The following ABAT variants were observed in gnomAD, a reference collection of about 807,000 sequenced individuals.
ABAT encodes the protein 4-aminobutyrate aminotransferase.
A neutral mutation model predicts 64.6 loss-of-function variants in ABAT; 45 were observed. That is an observed-to-expected ratio of 0.70 (90% confidence interval 0.55 to 0.89). ABAT has a LOEUF of 0.89. Ranked by LOEUF, ABAT falls within the 40% of genes least tolerant of loss-of-function variation. The pLI, the probability that ABAT is intolerant of heterozygous loss-of-function variation, is 0.00. For synonymous variants in ABAT, 297 were observed against 250.5 expected (o/e 1.19, Z -1.75); for missense variants, 633 against 658.4 (o/e 0.96, Z 0.42).
intron 2 of ABAT, among the ~76,000 whole-genome samples, chr16:8,742,229 C>T (rs545811647): frequency 6.6e-6 from 1 of 152,198 alleles, no homozygotes; most frequent in Non-Finnish European, 1.5e-5. Flanking sequence ...CACTTGATCC[C>T]ACGCTCTCCA....
intron 15 of ABAT, chr16:8,780,813 C>A: frequency 5.7e-6 from 1 of 173,960 alleles, no homozygotes; most frequent in South Asian, 7.9e-5. Context: ...GAAAGGACAC[C>A]AGCTGTAACT....
chr16:8,737,991 G>GAAAGAAAGAAAGAAAAAGAAA (rs55862439), intron 2 of ABAT, among the ~76,000 whole-genome samples: 1 of 14,962 alleles, frequency 6.7e-5, no homozygotes, highest in Non-Finnish European at 1.2e-4. Flanking sequence ...GAAGGAAGGA[G>GAAAGAAAGAAAGAAAAAGAAA]GAAAGAAAGA....
At chr16:8,735,593 G>A (rs1401182591) in intron 1 of ABAT, 106 bp from the exon 2 acceptor site, 2 of 956,802 alleles carry the variant, frequency 2.1e-6, no homozygotes, top group African/African-American at 3.2e-5. Flanking sequence ...ATTTGACAAT[G>A]TCAGAAGAAC....
At chr16:8,693,823 T>C (rs1156500564) in intron 1 of ABAT, among the ~76,000 whole-genome samples, 1 of 152,132 alleles carries the variant, frequency 6.6e-6, no homozygotes, top group East Asian at 1.9e-4. Flanking sequence ...ACTTTGCCCA[T>C]TCTTTTAAGT....
chr16:8,771,793 T>C (rs1203868902), intron 11 of ABAT, among the ~76,000 whole-genome samples: 1 of 151,592 alleles, frequency 6.6e-6, no homozygotes, highest in Non-Finnish European at 1.5e-5. Flanking sequence ...AAAGACAGGA[T>C]CTTGCTGTGT....
At position 8,781,598 on chromosome 16, in the gene ABAT, G is replaced by A; in HGVS notation, c.*168G>A. On this transcript the variant is annotated 3_prime_UTR_variant, in exon 16 of 16. Coordinates refer to ENST00000268251, the MANE Select transcript of ABAT (RefSeq NM_020686.6). The surrounding 1 kb of genome is among the most constrained non-coding windows in gnomAD (Gnocchi z 4.5). Reference sequence around the variant, plus strand: ...TGGTCTTGGGGGAGGGGAGGGGAGGGAAGGGCTGGTGTTGATTTTCCTCCC... The same window carrying A: ...TGGTCTTGGGGGAGGGGAGGGGAGGAAAGGGCTGGTGTTGATTTTCCTCCC... 1 of 509,100 alleles carries A rather than the reference G, an allele frequency of 2.0e-6. No homozygotes were observed. Among genetic ancestry groups the A allele is most frequent in the Non-Finnish European group, 3.7e-6 (1 of 270,246 alleles). 31.5% of individuals were successfully genotyped at this position (509,100 alleles called of 1,614,324 possible). A position where few individuals can be genotyped will look rare whatever the true frequency, so the allele number is the denominator to read the frequency against.
At chr16:8,684,981 G>A (rs1008391349) in intron 1 of ABAT, among the ~76,000 whole-genome samples, 5 of 152,238 alleles carry the variant, frequency 3.3e-5, no homozygotes, top group Non-Finnish European at 4.4e-5. Context: ...AGTCAGCAAA[G>A]TAGTTTGAAA....
At chr16:8,738,028 AGAAG>A (rs1453099912) in intron 2 of ABAT, among the ~76,000 whole-genome samples, 32 of 136,668 alleles carry the variant, frequency 2.3e-4, no homozygotes, top group East Asian at 4.4e-4. Context: ...AAAGAAAGAA[AGAAG>A]GACAGACAGA....
chr16:8,734,539 C>G (rs1401410421), intron 1 of ABAT, among the ~76,000 whole-genome samples: 1 of 152,154 alleles, frequency 6.6e-6, no homozygotes, highest in Non-Finnish European at 1.5e-5. Context: ...ATTTCCTCCT[C>G]TGTAAAAAGA....
intron 5 of ABAT, among the ~76,000 whole-genome samples, chr16:8,752,056 A>G (rs919163209): frequency 3.9e-5 from 6 of 152,202 alleles, no homozygotes; most frequent in African/African-American, 1.2e-4. Context: ...GCTCCCCATC[A>G]GCACCTCCCT....
rs748637963 is a variant in ABAT, at chr16:8,781,242, C to T, written c.1382-67C>T. The T allele has an allele frequency of 1.2e-6, 2 of 1,609,102 alleles. No individual in the cohort carries two copies. Among genetic ancestry groups the T allele is most frequent in the Non-Finnish European group, 1.7e-6 (2 of 1,176,960 alleles). ...GAGCGTTGCCAACAGGCATCACTTT[C>T]CCCCCAGCTCTCCCAGCATGTGACT... On this transcript the variant is annotated intron_variant, in intron 15 of 15. Coordinates refer to ENST00000268251, the MANE Select transcript of ABAT (RefSeq NM_020686.6). The surrounding 1 kb of genome is among the most constrained non-coding windows in gnomAD (Gnocchi z 4.5).
intron 1 of ABAT, chr16:8,731,672 T>C (rs1203524174): frequency 4.0e-5 from 6 of 151,776 alleles, no homozygotes; most frequent in African/African-American, 1.5e-4. Flanking sequence ...ATCACACAGA[T>C]AACATAAAAT....
At chr16:8,717,848 T>C (rs1317140532) in intron 1 of ABAT, among the ~76,000 whole-genome samples, 1 of 151,492 alleles carries the variant, frequency 6.6e-6, no homozygotes, top group Non-Finnish European at 1.5e-5. Flanking sequence ...AGAGATGGGG[T>C]CTCGCTCTGT....
At chr16:8,678,593 C>T (rs1474085588) in intron 1 of ABAT, among the ~76,000 whole-genome samples, 1 of 152,218 alleles carries the variant, frequency 6.6e-6, no homozygotes, top group African/African-American at 2.4e-5. Context: ...GATTAGTTAT[C>T]AGGGTCTTTC....
At chr16:8,712,390 A>C (rs1319367463) in intron 1 of ABAT, among the ~76,000 whole-genome samples, 2 of 152,242 alleles carry the variant, frequency 1.3e-5, no homozygotes, top group Non-Finnish European at 2.9e-5. Context: ...TGTGGTAATC[A>C]TGTTAATGGT....
At chr16:8,757,452 G>A (rs930694110) in intron 5 of ABAT, 1 of 391,088 alleles carries the variant, frequency 2.6e-6, no homozygotes, top group East Asian at 6.0e-5. Context: ...ACAGGTGTGA[G>A]CCACCACACG....
At chr16:8,733,682 G>C (rs543036350) in intron 1 of ABAT, among the ~76,000 whole-genome samples, 9 of 151,968 alleles carry the variant, frequency 5.9e-5, no homozygotes, top group African/African-American at 2.2e-4. Flanking sequence ...CCAGTCAGGC[G>C]TGGCGGCGTG....
chr16:8,732,393 G>C (rs2058753635), intron 1 of ABAT, among the ~76,000 whole-genome samples: 1 of 150,380 alleles, frequency 6.6e-6, no homozygotes, highest in Non-Finnish European at 1.5e-5. Context: ...TGTGTCCCTG[G>C]GTACTTGAGA....
chr16:8,675,357 C>G (rs920103948), intron 1 of ABAT, among the ~76,000 whole-genome samples: 6 of 152,078 alleles, frequency 3.9e-5, no homozygotes, highest in Non-Finnish European at 8.8e-5. Context: ...TTCCCCTCTC[C>G]TCCCCAGTAA....
Sources: allele counts gnomAD v4.1 joint callset (sites outside exome capture counted in the v4.1 genomes callset), GRCh38; gene constraint gnomAD v4.1.1; non-coding constraint Gnocchi (gnomAD v3.1); transcripts MANE v1.5; gene names NCBI Gene and HGNC (gene_info 2026-07-23, HGNC 2026-07-21).